Variants in TRIM69 observed in about 807,000 individuals in gnomAD.
TRIM69 encodes the protein E3 ubiquitin-protein ligase TRIM69.
In TRIM69, 29 loss-of-function variants were observed where a neutral mutation model predicts 37.7. The observed-to-expected ratio is 0.77, with a 90% confidence interval of 0.57 to 1.05. TRIM69 has a LOEUF of 1.05. Ranked by LOEUF, TRIM69 falls within the 50% of genes least tolerant of loss-of-function variation. The pLI is 0.00. For synonymous variants in TRIM69, 209 were observed against 212.4 expected (o/e 0.98, Z 0.14); for missense variants, 596 against 579.9 (o/e 1.03, Z -0.28).
In TRIM69 at chr15:44,759,813, A is replaced by G. The variant is rs756444431; in HGVS notation, c.902A>G (p.Gln301Arg). ...ATTTCCAGAAAGCTGAACCTGGGCC[A>G]GTACAAAGGTCCTATCCAGTACATG... is the stretch of plus-strand genomic sequence containing the variant. ...ELISRKLNLG[Q>R]YKGPIQYMVW... The change falls in exon 6 of 7, where the codon CAG (glutamine) becomes CGG (arginine). Residue 301 changes from glutamine (Q) to arginine (R), a missense_variant. Physicochemically the swap from Gln to Arg is conservative, Grantham distance 43 (BLOSUM62 1). Coordinates refer to ENST00000329464, the MANE Select transcript of TRIM69 (RefSeq NM_182985.5). The G allele has an allele frequency of 6.2e-7, 1 of 1,614,210 alleles. No homozygotes were observed. The highest frequency in any genetic ancestry group is 8.5e-7 in the Non-Finnish European group (1 of 1,180,014).
chr15:44,754,923 C>A lies in TRIM69; in HGVS notation c.30C>A (p.Asn10Lys). The change falls in exon 2 of 7, where the codon AAC becomes AAA. Residue 10 changes from asparagine to lysine, a missense_variant. Physicochemically the swap from Asn to Lys is moderately conservative, Grantham distance 94 (BLOSUM62 0). Coordinates refer to ENST00000329464, the MANE Select transcript of TRIM69 (RefSeq NM_182985.5). ...AGGTATCCACCAACCCCTCCTCCAA[C>A]ATCGATCCAGGCGACTATGTTGAAA... MEVSTNPSS[N>K]IDPGDYVEMN... 6.2e-7 allele frequency: 1 copy of A among 1,612,816 alleles called. No homozygotes were observed. Among genetic ancestry groups the A allele is most frequent in the Non-Finnish European group, 8.5e-7 (1 of 1,179,144 alleles).
chr15:44,739,178 G>A (rs971315786), intron 1 of TRIM69, among the ~76,000 whole-genome samples: 17 of 152,058 alleles, frequency 1.1e-4, no homozygotes, highest in South Asian at 1.0e-3. Flanking sequence ...GTCACTTCCC[G>A]TTCCTCTTTG....
intron 1 of TRIM69, among the ~76,000 whole-genome samples, chr15:44,743,237 G>A (rs2087331162): frequency 1.3e-5 from 2 of 152,206 alleles, no homozygotes; most frequent in African/African-American, 4.8e-5. Context: ...TTCATAAATG[G>A]TGCTGGGAAA....
At chr15:44,756,176 G>A (rs1596029582) in intron 2 of TRIM69, among the ~76,000 whole-genome samples, 192 bp from the exon 3 acceptor site, 1 of 152,100 alleles carries the variant, frequency 6.6e-6, no homozygotes, top group South Asian at 2.1e-4. Flanking sequence ...ACAGATGTGA[G>A]CTGCCACACC....
At chr15:44,755,922 A>AT in intron 2 of TRIM69, among the ~76,000 whole-genome samples, 1 of 152,366 alleles carries the variant, frequency 6.6e-6, no homozygotes, top group East Asian at 1.9e-4. Flanking sequence ...GAACAACACA[A>AT]GTAAAATGAT....
intron 4 of TRIM69, among the ~76,000 whole-genome samples, chr15:44,759,300 A>G (rs2087722675): frequency 6.6e-6 from 1 of 152,204 alleles, no homozygotes; most frequent in Admixed American, 6.5e-5. Context: ...AAGTTTAATT[A>G]GCTAGAGTAA....
At chr15:44,738,041 ACTTT>A (rs72087576) in intron 1 of TRIM69, among the ~76,000 whole-genome samples, 7,765 of 127,770 alleles carry the variant, frequency 0.061, 477 homozygotes, top group South Asian at 0.092. Flanking sequence ...GAAGATACAT[ACTTT>A]CTTTCTTTCT....
At chr15:44,745,165 T>A (rs2087378657) in intron 1 of TRIM69, among the ~76,000 whole-genome samples, 2 of 152,052 alleles carry the variant, frequency 1.3e-5, no homozygotes, top group South Asian at 4.1e-4. Flanking sequence ...AAGGAAGTTG[T>A]AAACTGTGTG....
rs535951975 is a variant in TRIM69 at position 44,736,677 on chromosome 15, C to A, written c.-28C>A. 8.7e-6 allele frequency: 14 copies of A among 1,611,962 alleles called. No homozygotes were observed. In the African/African-American group the frequency reaches 1.6e-4, roughly 18 times the overall value. On this transcript the variant is annotated 5_prime_UTR_variant, in exon 1 of 7. Transcript: ENST00000329464. Reference sequence around the variant, plus strand: ...TGCTGAGCTCTGATTCAAGTGCCTGCCTCTGCCCCTTGGTGGGCTGAAGCT... The same window carrying A: ...TGCTGAGCTCTGATTCAAGTGCCTGACTCTGCCCCTTGGTGGGCTGAAGCT...
rs753155812 is a variant in TRIM69 at position 44,755,184 on chromosome 15, C to A, written c.291C>A (p.Asp97Glu). 1 of 1,614,152 alleles carries A rather than the reference C, an allele frequency of 6.2e-7. No individual in the cohort carries two copies. The highest frequency in any genetic ancestry group is 8.5e-7 in the Non-Finnish European group (1 of 1,180,020). ...ACTGTACATTCAACCCTGTACTGGA[C>A]AAGTTGGTAGAGAAGATTAAGAAGT... Reference protein sequence around the residue: ...YNNCTFNPVLDKLVEKIKKLP... With the variant: ...YNNCTFNPVLEKLVEKIKKLP... The change falls in exon 2 of 7, where the codon GAC (aspartate) becomes GAA (glutamate). Residue 97 changes from aspartate (D) to glutamate (E), a missense_variant. Physicochemically the swap from Asp to Glu is conservative, Grantham distance 45. Transcript: ENST00000329464.
chr15:44,767,302 G>A lies in TRIM69; in HGVS notation c.1033G>A (p.Val345Ile), dbSNP rs778647787. ...NLVLSKSQTSVWHGDIKKIMP... is the reference protein window; with the variant it reads ...NLVLSKSQTSIWHGDIKKIMP... ...GGTGCTCTCCAAAAGCCAAACCAGC[G>A]TCTGGCATGGTGACATTAAGAAGAT... The change falls in exon 7 of 7, where the codon GTC (valine) becomes ATC (isoleucine). Residue 345 changes from valine to isoleucine, a missense_variant. Transcript: ENST00000329464. The A allele has an allele frequency of 3.2e-5, 52 of 1,613,850 alleles. No homozygotes were observed. The East Asian group carries it at 6.7e-4, about 21-fold the overall frequency.
intron 3 of TRIM69, chr15:44,757,231 T>G (rs2087669850): frequency 6.6e-6 from 1 of 152,106 alleles, no homozygotes; most frequent in Non-Finnish European, 1.5e-5. Context: ...ATTTATTGAG[T>G]GGGTCAGGCA....
At chr15:44,766,003 G>C (rs1046176671) in intron 6 of TRIM69, among the ~76,000 whole-genome samples, 4 of 151,978 alleles carry the variant, frequency 2.6e-5, no homozygotes, top group African/African-American at 7.3e-5. Context: ...TCTTCATTTA[G>C]TTTAGATATT....
rs1461231104 is a variant in TRIM69 at position 44,767,768 on chromosome 15, A to C, written c.1499A>C (p.Gln500Pro). Residue 500 changes from glutamine (Q) to proline (P), a missense_variant, in exon 7 of 7, where the codon CAG becomes CCG. By Grantham distance (76) the Gln-to-Pro change is moderately conservative. Coordinates refer to ENST00000329464, the MANE Select transcript of TRIM69 (RefSeq NM_182985.5). Reference protein sequence around the residue: ...NKEPLHILHPQ With the variant: ...NKEPLHILHPP ...GAACCATTGCACATCTTACATCCACAGTAATGAGTCATAATATTATACAAA... is the reference window on the plus strand; with the variant it reads ...GAACCATTGCACATCTTACATCCACCGTAATGAGTCATAATATTATACAAA... The C allele has an allele frequency of 1.2e-6, 2 of 1,608,798 alleles. No homozygotes were observed. The highest frequency in any genetic ancestry group is 3.4e-5 in the Admixed American group (2 of 59,670).
intron 6 of TRIM69, among the ~76,000 whole-genome samples, chr15:44,766,700 C>G (rs2087894029): frequency 1.3e-5 from 2 of 151,896 alleles, no homozygotes; most frequent in Admixed American, 6.6e-5. Flanking sequence ...TGAGTAAACC[C>G]TGATTTTTAC....
intron 3 of TRIM69, chr15:44,757,785 C>T (rs991989910): frequency 8.5e-5 from 13 of 152,098 alleles, no homozygotes; most frequent in African/African-American, 3.1e-4. Context: ...AGCAATCCTC[C>T]CAGCTTGGCC....
intron 1 of TRIM69, among the ~76,000 whole-genome samples, chr15:44,746,750 GCACACACA>G (rs10561330): frequency 1.0e-3 from 156 of 150,370 alleles, no homozygotes; most frequent in Middle Eastern, 6.9e-3. Flanking sequence ...ACGTGCACGT[GCACACACA>G]CACACACACA....
At chr15:44,741,586 GAA>G (rs2141308526) in intron 1 of TRIM69, among the ~76,000 whole-genome samples, 1 of 152,122 alleles carries the variant, frequency 6.6e-6, no homozygotes, top group South Asian at 2.1e-4. Flanking sequence ...TAATAAAGAA[GAA>G]AAGAGAGAAG....
Position 44,762,396 on chromosome 15 carries a change from A to C in TRIM69, c.961+2524A>C, listed in dbSNP as rs1002697385. Among the ~76,000 whole-genome samples, 14 of 152,086 alleles carry C rather than the reference A, an allele frequency of 9.2e-5. 1 individual carries two copies. Among genetic ancestry groups the C allele is most frequent in the Admixed American group, 7.9e-4 (12 of 15,266 alleles). On this transcript the variant is annotated intron_variant, in intron 6 of 6. Transcript: ENST00000329464. The stretch of plus-strand genomic sequence containing the variant: ...TTGAGCTGCTTGGATCTAAGGGTTT[A>C]TAATTTTCATCAAATTTTGAATAAT...
Sources: gnomAD v4.1 joint callset for allele counts (sites outside exome capture counted in the v4.1 genomes callset) on GRCh38, gnomAD v4.1.1 for gene constraint, MANE v1.5 for transcripts, NCBI Gene and HGNC (gene_info 2026-07-23, HGNC 2026-07-21) for gene names.